Variants in FHIT observed in about 807,000 individuals in gnomAD.
FHIT encodes the protein fragile histidine triad diadenosine triphosphatase.
In FHIT, 19 loss-of-function variants were observed where a neutral mutation model predicts 17.9. The ratio of observed to expected loss-of-function variants is 1.06; its 90% CI spans 0.74 to 1.56. The LOEUF is 1.56. FHIT is among the 40% of genes most tolerant of loss of function. The pLI, the probability that FHIT is intolerant of heterozygous loss-of-function variation, is 0.00. For synonymous variants in FHIT, 81 were observed against 69.7 expected (o/e 1.16, Z -0.81); for missense variants, 248 against 189.2 (o/e 1.31, Z -1.82).
chr3:60,278,093 G>C (rs763822589), intron 5 of FHIT, among the ~76,000 whole-genome samples: 3 of 152,154 alleles, frequency 2.0e-5, no homozygotes, highest in Admixed American at 1.3e-4. Context: ...ACGAACACGT[G>C]TATGATAATT....
chr3:60,183,289 T>C (rs1399030147), intron 5 of FHIT, among the ~76,000 whole-genome samples: 1 of 152,028 alleles, frequency 6.6e-6, no homozygotes, highest in Non-Finnish European at 1.5e-5. Context: ...TCCCAGCTAC[T>C]TGGGAGGCTT....
intron 1 of FHIT, among the ~76,000 whole-genome samples, chr3:61,210,450 C>G (rs190670526): frequency 6.6e-6 from 1 of 152,216 alleles, no homozygotes; most frequent in African/African-American, 2.4e-5. Flanking sequence ...GTGGTGGGAT[C>G]CACCCAGAGC....
chr3:60,256,258 T>C (rs929338189), intron 5 of FHIT, among the ~76,000 whole-genome samples: 1 of 152,228 alleles, frequency 6.6e-6, no homozygotes, highest in Admixed American at 6.5e-5. Flanking sequence ...CTGGCCTCCA[T>C]ATGCTTTAAT....
intron 5 of FHIT, among the ~76,000 whole-genome samples, chr3:60,200,342 G>A (rs565267478): frequency 1.4e-4 from 21 of 152,114 alleles, no homozygotes; most frequent in Middle Eastern, 3.4e-3. Flanking sequence ...TGAATTCTAC[G>A]AATTCTGCTC....
At chr3:60,676,067 C>T (rs2040615094) in intron 4 of FHIT, among the ~76,000 whole-genome samples, 1 of 152,144 alleles carries the variant, frequency 6.6e-6, no homozygotes, top group South Asian at 2.1e-4. Flanking sequence ...AAGGTGGCTC[C>T]CAACTTGTCC....
chr3:60,240,237 T>C (rs1258442269), intron 5 of FHIT, among the ~76,000 whole-genome samples: 2 of 152,092 alleles, frequency 1.3e-5, no homozygotes, highest in African/African-American at 2.4e-5. Flanking sequence ...ATTCTTCTAA[T>C]AGAAAATCAG....
At chr3:60,499,516 C>T (rs563901807) in intron 5 of FHIT, among the ~76,000 whole-genome samples, 2 of 152,056 alleles carry the variant, frequency 1.3e-5, no homozygotes, top group Non-Finnish European at 2.9e-5. Context: ...CTCAGCCTCC[C>T]GAGTAGCTGG....
At chr3:61,177,702 T>A (rs2038201925) in intron 2 of FHIT, among the ~76,000 whole-genome samples, 1 of 152,152 alleles carries the variant, frequency 6.6e-6, no homozygotes, top group Non-Finnish European at 1.5e-5. Flanking sequence ...CTAGTAAACA[T>A]AAAAAGCAAA....
intron 5 of FHIT, among the ~76,000 whole-genome samples, chr3:60,017,469 G>T (rs1447382317): frequency 6.6e-6 from 1 of 152,130 alleles, no homozygotes; most frequent in African/African-American, 2.4e-5. Context: ...CTCCATCATG[G>T]GCCAGACTCC....
intron 8 of FHIT, among the ~76,000 whole-genome samples, chr3:59,888,813 A>T (rs2106997796): frequency 6.6e-6 from 1 of 152,328 alleles, no homozygotes; most frequent in Non-Finnish European, 1.5e-5. Context: ...TGGAAGATTT[A>T]TAATAAACAG....
At chr3:59,775,225 C>T (rs1217681870) in intron 8 of FHIT, among the ~76,000 whole-genome samples, 5 of 152,122 alleles carry the variant, frequency 3.3e-5, no homozygotes, top group Non-Finnish European at 2.9e-5. Context: ...TTGCAATGAA[C>T]GGCAATGTGC....
intron 4 of FHIT, chr3:60,730,206 G>T: frequency 2.9e-6 from 1 of 348,614 alleles, no homozygotes; most frequent in South Asian, 2.7e-5. Flanking sequence ...AGATTTTCGT[G>T]TATTCCTCTT....
intron 2 of FHIT, among the ~76,000 whole-genome samples, chr3:61,162,339 T>C (rs190603840): frequency 2.0e-5 from 3 of 152,274 alleles, no homozygotes; most frequent in Non-Finnish European, 4.4e-5. Context: ...TCTCAGGTTT[T>C]TTTCTTGCTT....
chr3:60,725,769 G>A (rs547915364), intron 4 of FHIT, among the ~76,000 whole-genome samples: 1 of 152,154 alleles, frequency 6.6e-6, no homozygotes. Context: ...GTAACTAGCA[G>A]ATATTTTGTA....
intron 1 of FHIT, among the ~76,000 whole-genome samples, chr3:61,240,867 G>A (rs1389130619): frequency 6.6e-6 from 1 of 152,140 alleles, no homozygotes; most frequent in East Asian, 1.9e-4. Flanking sequence ...AAGGTTGGTG[G>A]CACAGGCCTT....
intron 5 of FHIT, among the ~76,000 whole-genome samples, chr3:60,458,959 T>A (rs560767714): frequency 6.6e-6 from 1 of 152,022 alleles, no homozygotes; most frequent in South Asian, 2.1e-4. Flanking sequence ...TTATTTTTTT[T>A]TTTTTAGAAA....
At chr3:60,278,140 G>A (rs1442385296) in intron 5 of FHIT, among the ~76,000 whole-genome samples, 1 of 152,180 alleles carries the variant, frequency 6.6e-6, no homozygotes, top group Non-Finnish European at 1.5e-5. Context: ...AGACTAGCTT[G>A]AGAGTTAAAA....
intron 4 of FHIT, among the ~76,000 whole-genome samples, chr3:60,806,832 A>C (rs1701409266): frequency 6.6e-6 from 1 of 152,228 alleles, no homozygotes; most frequent in African/African-American, 2.4e-5. Flanking sequence ...AGAAGGATTA[A>C]GCATCAGAAG....
intron 5 of FHIT, among the ~76,000 whole-genome samples, chr3:60,148,058 A>G (rs1700314089): frequency 6.6e-6 from 1 of 152,204 alleles, no homozygotes; most frequent in Non-Finnish European, 1.5e-5. Flanking sequence ...AACAAAGCAA[A>G]CAAATGTTGC....
Sources: gnomAD v4.1 joint callset for allele counts (sites outside exome capture counted in the v4.1 genomes callset) on GRCh38, gnomAD v4.1.1 for gene constraint, MANE v1.5 for transcripts, NCBI Gene and HGNC (gene_info 2026-07-23, HGNC 2026-07-21) for gene names.